EYS: variants seen among roughly 807,000 people sequenced by gnomAD.
The protein encoded by EYS is EGF-like photoreceptor maintenance factor.
A neutral mutation model predicts 282.1 loss-of-function variants in EYS; 250 were observed. The ratio of observed to expected loss-of-function variants is 0.89; its 90% CI spans 0.80 to 0.98. The LOEUF (loss-of-function observed/expected upper bound fraction) is 0.98. Among genes scored for constraint, EYS ranks in the 50% least tolerant of loss-of-function variants. The pLI is 0.00. For synonymous variants in EYS, 1,355 were observed against 1,282.9 expected (o/e 1.06, Z -1.20); for missense variants, 4,016 against 3,709.0 (o/e 1.08, Z -2.15).
At chr6:64,583,757 C>T (rs568008958) in intron 26 of EYS, among the ~76,000 whole-genome samples, 3 of 151,794 alleles carry the variant, frequency 2.0e-5, no homozygotes, top group South Asian at 2.1e-4. Context: ...ATTGCACCAT[C>T]GCACTCCAGC....
chr6:65,045,238 T>A (rs573440410), intron 13 of EYS, among the ~76,000 whole-genome samples: 5 of 151,988 alleles, frequency 3.3e-5, no homozygotes, highest in Non-Finnish European at 7.4e-5. Context: ...AACACTCTGA[T>A]CTTTGACAAA....
At chr6:64,412,117 T>C (rs1327989228) in intron 28 of EYS, among the ~76,000 whole-genome samples, 4 of 151,712 alleles carry the variant, frequency 2.6e-5, no homozygotes, top group Non-Finnish European at 5.9e-5. Context: ...ATAGAACATT[T>C]GAAAAATATG....
At chr6:64,680,299 G>A (rs59069746) in intron 22 of EYS, among the ~76,000 whole-genome samples, 3,151 of 152,202 alleles carry the variant, frequency 0.021, 75 homozygotes, top group East Asian at 0.11. Flanking sequence ...CCAGTGAAAC[G>A]ACCATAACTG....
Position 64,249,063 on chromosome 6 carries a change from C to CAAAAA in EYS, c.6192-18244_6192-18240dup, listed in dbSNP as rs34663169. On this transcript the variant is annotated intron_variant, in intron 30 of 42. Coordinates refer to ENST00000503581, the MANE Select transcript of EYS (RefSeq NM_001142800.2). Reference sequence around the variant, plus strand: ...TGGGCTACAGAGTGACACCCTGTCTCAAAAAAAAAAAAAAAAAAAAAAGAT... The same window carrying CAAAAA: ...TGGGCTACAGAGTGACACCCTGTCTCAAAAAAAAAAAAAAAAAAAAAAAAAAAGAT... Among the ~76,000 whole-genome samples the CAAAAA allele has an allele frequency of 5.1e-4, 36 of 70,046 alleles. 1 individual carries two copies. Among genetic ancestry groups the CAAAAA allele is most frequent in the African/African-American group, 1.7e-3 (24 of 14,224 alleles). 46.0% of individuals were successfully genotyped at this position (70,046 alleles called of 152,430 possible). A position where few individuals can be genotyped will look rare whatever the true frequency, so the allele number is the denominator to read the frequency against.
At chr6:65,274,152 TGTGGA>T (rs1767978153) in intron 12 of EYS, among the ~76,000 whole-genome samples, 1 of 152,158 alleles carries the variant, frequency 6.6e-6, no homozygotes, top group Non-Finnish European at 1.5e-5. Context: ...GCAGCTGACT[TGTGGA>T]GTGAAGATTG....
chr6:65,464,106 A>G (rs1391760098), intron 5 of EYS, among the ~76,000 whole-genome samples: 1 of 152,068 alleles, frequency 6.6e-6, no homozygotes, highest in African/African-American at 2.4e-5. Flanking sequence ...AATGGATGTA[A>G]ATTGTCATGT....
At chr6:64,329,261 T>A (rs1328620834) in intron 29 of EYS, among the ~76,000 whole-genome samples, 1 of 152,180 alleles carries the variant, frequency 6.6e-6, no homozygotes, top group Non-Finnish European at 1.5e-5. Flanking sequence ...AGAGGCCTTA[T>A]TTCAAATCTA....
intron 30 of EYS, among the ~76,000 whole-genome samples, chr6:64,241,657 TTGTGTGTGTG>T (rs367952253): frequency 6.7e-6 from 1 of 149,154 alleles, no homozygotes; most frequent in Non-Finnish European, 1.5e-5. Flanking sequence ...TTGAAGGTTT[TTGTGTGTGTG>T]TGTGTGTGTG....
intron 35 of EYS, among the ~76,000 whole-genome samples, chr6:63,959,663 C>A (rs911131114): frequency 2.6e-5 from 4 of 152,130 alleles, no homozygotes; most frequent in Non-Finnish European, 5.9e-5. Context: ...ACATATACAC[C>A]ATGGAATACT....
At chr6:64,018,111 TAC>T (rs888138555) in intron 33 of EYS, among the ~76,000 whole-genome samples, 1 of 152,048 alleles carries the variant, frequency 6.6e-6, no homozygotes, top group Non-Finnish European at 1.5e-5. Context: ...TACACACTTA[TAC>T]ACACACACAC....
chr6:64,112,825 G>A (rs201317982), intron 31 of EYS, among the ~76,000 whole-genome samples: 2 of 149,308 alleles, frequency 1.3e-5, no homozygotes, highest in African/African-American at 4.9e-5. Context: ...ATATCTTCAG[G>A]AAATTTGATT....
chr6:65,117,570 C>G (rs1432244326), intron 12 of EYS, among the ~76,000 whole-genome samples: 1 of 152,144 alleles, frequency 6.6e-6, no homozygotes, highest in Admixed American at 6.5e-5. Context: ...ACATGAACCA[C>G]AGCAGGAAAT....
At chr6:65,382,457 CTGTGTGTGTGTGTG>C (rs55949006) in intron 8 of EYS, among the ~76,000 whole-genome samples, 44 of 112,014 alleles carry the variant, frequency 3.9e-4, no homozygotes, top group East Asian at 5.6e-4. Context: ...CTCCTTTCCT[CTGTGTGTGTGTGTG>C]TGTGTGTGTG....
chr6:64,042,978 C>A (rs561209479), intron 33 of EYS, among the ~76,000 whole-genome samples: 1 of 152,038 alleles, frequency 6.6e-6, no homozygotes, highest in African/African-American at 2.4e-5. Flanking sequence ...GCTGGGTGAC[C>A]TTGGACAAGT....
intron 26 of EYS, among the ~76,000 whole-genome samples, chr6:64,547,934 C>T (rs989830031): frequency 6.6e-6 from 1 of 152,222 alleles, no homozygotes; most frequent in Admixed American, 6.5e-5. Flanking sequence ...TGCTAAGCCC[C>T]TCACTGCCCA....
At chr6:64,710,567 A>G (rs546970284) in intron 22 of EYS, among the ~76,000 whole-genome samples, 1 of 152,234 alleles carries the variant, frequency 6.6e-6, no homozygotes, top group African/African-American at 2.4e-5. Flanking sequence ...GTGCTTTCTC[A>G]CTTTAATAAA....
intron 7 of EYS, among the ~76,000 whole-genome samples, chr6:65,396,650 G>C (rs1452469814): frequency 2.0e-5 from 3 of 152,026 alleles, no homozygotes; most frequent in Non-Finnish European, 4.4e-5. Flanking sequence ...ACATATTATT[G>C]TAGGCTGAAC....
chr6:64,296,578 ATATATACATATATATATATATTTTTTTTT>A (rs1769017256), intron 30 of EYS, among the ~76,000 whole-genome samples: 1 of 5,922 alleles, frequency 1.7e-4, no homozygotes, highest in African/African-American at 1.1e-3. Flanking sequence ...ATATATATAT[ATATATACATATATATATATATTTTTTTTT>A]TTTTTTTTTT....
chr6:64,127,863 G>A (rs6924484), intron 31 of EYS, among the ~76,000 whole-genome samples: 14,655 of 152,066 alleles, frequency 0.096, 1,204 homozygotes, highest in African/African-American at 0.23. Flanking sequence ...TATTATATGG[G>A]AAAATAATTA....
Sources: allele counts gnomAD v4.1 joint callset (sites outside exome capture counted in the v4.1 genomes callset), GRCh38; gene constraint gnomAD v4.1.1; transcripts MANE v1.5; gene names NCBI Gene and HGNC (gene_info 2026-07-23, HGNC 2026-07-21).